The following ZNF335 variants were observed in gnomAD, a reference collection of about 807,000 sequenced individuals.
The protein encoded by ZNF335 is NRC-interacting factor 1.
ZNF335 carries 84 observed loss-of-function variants against 145.6 expected under a neutral mutation model. That is an observed-to-expected ratio of 0.58 (90% CI 0.48 to 0.69). The LOEUF (loss-of-function observed/expected upper bound fraction) is 0.69. ZNF335 is among the 30% of genes least tolerant of loss of function. The pLI is 0.00. For missense variants in ZNF335, 1,865 were observed against 1,809.7 expected (o/e 1.03, Z -0.55); for synonymous variants, 761 against 717.0 (o/e 1.06, Z -0.98).
In ZNF335 at chr20:45,962,094, T is replaced by C; in HGVS notation, c.1622A>G (p.His541Arg). Residue 541 changes from histidine (H) to arginine (R), a missense_variant, in exon 10 of 28, where the codon CAC becomes CGC. His to Arg is a conservative substitution (Grantham distance 29). Transcript: ENST00000322927. Reference protein sequence around the residue: ...TSVYRKDVIRHAAVHSRDRKK... With the variant: ...TSVYRKDVIRRAAVHSRDRKK... The stretch of plus-strand genomic sequence containing the variant: ...CCGGTCCCGGCTGTGCACAGCGGCG[T>C]GCCGAATGACGTCCTTCCGGTAGAC... 4 of 1,465,742 alleles carry C rather than the reference T, an allele frequency of 2.7e-6. No individual in the cohort carries two copies. The highest frequency in any genetic ancestry group is 3.7e-6 in the Non-Finnish European group (4 of 1,088,470). The allele number at this position is 1,465,742 out of a possible 1,614,324, so 90.8% of individuals were successfully genotyped here. A position where few individuals can be genotyped will look rare whatever the true frequency, so the allele number is the denominator to read the frequency against.
chr20:45,952,852 C>T (rs1017968327), intron 18 of ZNF335, 143 bp from the exon 19 acceptor site: 19 of 667,742 alleles, frequency 2.8e-5, no homozygotes, highest in Middle Eastern at 3.8e-4. Context: ...TGGCTCTGCC[C>T]TGTTACCAAA....
chr20:45,971,822 C>G, intron 1 of ZNF335: 1 of 985,380 alleles, frequency 1.0e-6, no homozygotes. Context: ...CCCGCTGGCC[C>G]CCTGGGTCAG....
At chr20:45,952,064 G>C in intron 20 of ZNF335, 83 bp downstream of exon 20, 1 of 1,495,380 alleles carries the variant, frequency 6.7e-7, no homozygotes, top group Non-Finnish European at 8.9e-7. Flanking sequence ...GATCTGGCTT[G>C]AAAGGGCACT....
chr20:45,969,036 G>A (rs933200262), intron 3 of ZNF335, among the ~76,000 whole-genome samples: 9 of 152,154 alleles, frequency 5.9e-5, no homozygotes, highest in African/African-American at 2.2e-4. Context: ...GACTGTCTGA[G>A]CTCATGGCCC....
chr20:45,969,499 C>A lies in ZNF335; in HGVS notation c.394G>T (p.Ala132Ser). The change falls in exon 3 of 28, where the codon GCC becomes TCC. Residue 132 changes from alanine (A) to serine (S), a missense_variant. Physicochemically the swap from Ala to Ser is moderately conservative, Grantham distance 99 (BLOSUM62 1). Transcript: ENST00000322927. ...CTASSSDLGS[A>S]IDKIIESTIG... is the part of the protein sequence containing the mutation. ...GTGGACTCGATGATCTTGTCGATGG[C>A]CGAGCCCAGGTCCGAGGAGGAAGCT... The A allele has an allele frequency of 6.4e-7, 1 of 1,569,862 alleles. No homozygotes were observed. Among genetic ancestry groups the A allele is most frequent in the Non-Finnish European group, 8.7e-7 (1 of 1,147,788 alleles).
chr20:45,963,569 G>A lies in ZNF335; in HGVS notation c.1437C>T (p.Asp479=). The change falls in exon 9 of 28, where the codon GAC becomes GAT. Residue 479 remains aspartate, a synonymous_variant. Coordinates refer to ENST00000322927, the MANE Select transcript of ZNF335 (RefSeq NM_022095.4). Reference sequence around the variant, plus strand: ...CATGGGAGTTGACGTGGAAGCGCAGGTCCTCGTGGGACAGAAAGCGAGAAC... The same window carrying A: ...CATGGGAGTTGACGTGGAAGCGCAGATCCTCGTGGGACAGAAAGCGAGAAC... ...ICGSRFLSHE[D]LRFHVNSHEA... The A allele has an allele frequency of 6.2e-7, 1 of 1,614,224 alleles. No individual in the cohort carries two copies. The highest frequency in any genetic ancestry group is 8.5e-7 in the Non-Finnish European group (1 of 1,180,050).
chr20:45,958,209 A>G (rs528087150), intron 15 of ZNF335, among the ~76,000 whole-genome samples: 1 of 152,182 alleles, frequency 6.6e-6, no homozygotes, highest in South Asian at 2.1e-4. Context: ...CACCACACCC[A>G]GCTAATTTTT....
chr20:45,968,098 C>G (rs1422014980), intron 4 of ZNF335, 71 bp from the exon 5 acceptor site: 2 of 1,591,036 alleles, frequency 1.3e-6, no homozygotes. Flanking sequence ...ATAGCTACCC[C>G]TCCCAGGCAG....
Position 45,965,812 on chromosome 20 carries a change from G to A in ZNF335, c.956-38C>T, listed in dbSNP as rs926565653. On this transcript the variant is annotated intron_variant, in intron 6 of 27. Coordinates refer to ENST00000322927, the MANE Select transcript of ZNF335 (RefSeq NM_022095.4). ...GTAAAGTTGGTGAACAGTGAGTGGCGGGACCTGCCCTTTCAGCCCTGACCC... is the reference window on the plus strand; with the variant it reads ...GTAAAGTTGGTGAACAGTGAGTGGCAGGACCTGCCCTTTCAGCCCTGACCC... 3 of 1,577,354 alleles carry A rather than the reference G, an allele frequency of 1.9e-6. No homozygotes were observed. The African/African-American group carries it at 4.1e-5, about 22-fold the overall frequency.
In ZNF335 at chr20:45,965,667, G is replaced by A. The variant is rs774100033; in HGVS notation, c.1063C>T (p.Arg355Trp). The A allele has an allele frequency of 1.2e-5, 19 of 1,598,490 alleles. No homozygotes were observed. The highest frequency in any genetic ancestry group is 4.4e-5 in the South Asian group (4 of 90,210). The change falls in exon 7 of 28, where the codon CGG (arginine) becomes TGG (tryptophan). Residue 355 changes from arginine (R) to tryptophan (W), a missense_variant. Transcript: ENST00000322927. The part of the protein sequence containing the change: ...PRPRRRPGRP[R>W]KLPRLEISDL... ...GAGATCTCCAGGCGGGGCAGCTTCC[G>A]GGGCCGGCCAGGTCTCCTTCGGGGC...
rs372293555 is a variant in ZNF335, at chr20:45,957,677, G to A, written c.2351C>T (p.Ala784Val). The A allele has an allele frequency of 1.9e-6, 3 of 1,613,980 alleles. No individual in the cohort carries two copies. Among genetic ancestry groups the A allele is most frequent in the Non-Finnish European group, 2.5e-6 (3 of 1,179,988 alleles). The stretch of plus-strand genomic sequence containing the variant: ...CGTGGCCATCGCTGTCGACTCCTCA[G>A]CTCCTGGGTGGGGTGGGACCTAAGC... ...GGATIIYQQG[A>V]EESTAMATQT... is the part of the protein sequence containing the mutation. Residue 784 changes from alanine (A) to valine (V), a missense_variant, in exon 17 of 28, where the codon GCT (alanine) becomes GTT (valine). Physicochemically the swap from Ala to Val is moderately conservative, Grantham distance 64. Coordinates refer to ENST00000322927, the MANE Select transcript of ZNF335 (RefSeq NM_022095.4).
At chr20:45,950,426 TC>T in intron 21 of ZNF335, 26 bp downstream of exon 21, 1 of 1,613,898 alleles carries the variant, frequency 6.2e-7, no homozygotes. Flanking sequence ...TGCCCAGCAG[TC>T]CCCACCCACC....
rs1057519114 is a variant in ZNF335 at position 45,968,303 on chromosome 20, G to T, written c.502C>A (p.Leu168Ile). ...GGAETTRYLI[L>I]QGPDDGAPMT... ...GTCTTACCATCATCTGGGCCCTGTA[G>T]GATCAGGTACCGTGTGGTCTCGGCC... The change falls in exon 4 of 28, where the codon CTA becomes ATA. Residue 168 changes from leucine to isoleucine, a missense_variant. Physicochemically the swap from Leu to Ile is conservative, Grantham distance 5. Coordinates refer to ENST00000322927, the MANE Select transcript of ZNF335 (RefSeq NM_022095.4). 31 of 1,613,354 alleles carry T rather than the reference G, an allele frequency of 1.9e-5. No homozygotes were observed. Among genetic ancestry groups the T allele is most frequent in the Non-Finnish European group, 2.5e-5 (30 of 1,179,578 alleles).
chr20:45,960,971 G>A (rs2083833119), intron 10 of ZNF335, 89 bp from the exon 11 acceptor site: 10 of 1,552,434 alleles, frequency 6.4e-6, no homozygotes, highest in Non-Finnish European at 8.8e-6. Context: ...CCTCAGCTAT[G>A]AGCCTACTCC....
intron 17 of ZNF335, among the ~76,000 whole-genome samples, chr20:45,956,962 A>T (rs2083739662): frequency 6.6e-6 from 1 of 152,182 alleles, no homozygotes; most frequent in Non-Finnish European, 1.5e-5. Context: ...CCATGAACTA[A>T]ATTATTATGA....
At chr20:45,954,830 C>T (rs1473160837) in intron 17 of ZNF335, among the ~76,000 whole-genome samples, 3 of 135,832 alleles carry the variant, frequency 2.2e-5, no homozygotes, top group Non-Finnish European at 3.0e-5. Context: ...TGCAGTGGTA[C>T]GATTACAGCT....
chr20:45,967,624 G>A lies in ZNF335; in HGVS notation c.825C>T (p.Ala275=), dbSNP rs797046125. ...RERHFRPVAA[A]AAAAGKKGRL... is the part of the protein sequence containing the mutation. ...GTCCTTTTTTACCAGCTGCTGCTGC[G>A]GCTGCTGCTACTGGAAGTGGAGGGA... The change falls in exon 6 of 28, where the codon GCC becomes GCT. Residue 275 remains alanine (A), a synonymous_variant. Coordinates refer to ENST00000322927, the MANE Select transcript of ZNF335 (RefSeq NM_022095.4). 7.4e-6 allele frequency: 12 copies of A among 1,613,926 alleles called. No individual in the cohort carries two copies. The highest frequency in any genetic ancestry group is 2.2e-5 in the East Asian group (1 of 44,876).
rs761692702 is a variant in ZNF335, at chr20:45,967,768, C to G, written c.780G>C (p.Leu260=). The G allele has an allele frequency of 6.2e-7, 1 of 1,613,324 alleles. No individual in the cohort carries two copies. Among genetic ancestry groups the G allele is most frequent in the Non-Finnish European group, 8.5e-7 (1 of 1,179,926 alleles). The change falls in exon 5 of 28, where the codon CTG becomes CTC. Residue 260 remains leucine (L), a synonymous_variant. Transcript: ENST00000322927. ...CQYRSSTKAT[L]LRHMRERHFR... ...AGTGGCGTTCCCGCATGTGGCGCAG[C>G]AGTGTGGCCTTGGTGCTGCTCCGGT... is the stretch of plus-strand genomic sequence containing the variant.
chr20:45,950,650 A>T, intron 20 of ZNF335, 55 bp from the exon 21 acceptor site: 2 of 1,592,714 alleles, frequency 1.3e-6, no homozygotes, highest in Non-Finnish European at 1.7e-6. Context: ...ATGGCAACAA[A>T]TCCCCGGATC....
Sources: gnomAD v4.1 joint callset for allele counts (sites outside exome capture counted in the v4.1 genomes callset) on GRCh38, gnomAD v4.1.1 for gene constraint, MANE v1.5 for transcripts, NCBI Gene and HGNC (gene_info 2026-07-23, HGNC 2026-07-21) for gene names.